Variants in PRCC observed in about 807,000 individuals in gnomAD.
PRCC encodes proline rich mitotic checkpoint control factor, also known as proline-rich protein PRCC.
Under a neutral mutation model 44.0 loss-of-function variants are expected in PRCC, and 10 were observed. The observed-to-expected ratio is 0.23, with a 90% CI of 0.14 to 0.39. The LOEUF is 0.39. Among genes scored for constraint, PRCC ranks in the 10% least tolerant of loss-of-function variants. The pLI, the probability that PRCC is intolerant of heterozygous loss-of-function variation, is 1.00. For synonymous variants in PRCC, 278 were observed against 259.5 expected, an observed-to-expected ratio of 1.07 and a Z score of -0.69; for missense variants, 573 against 624.7, an observed-to-expected ratio of 0.92 and a Z score of 0.88.
intron 1 of PRCC, among the ~76,000 whole-genome samples, chr1:156,779,124 A>AT (rs1651943384): frequency 4.0e-5 from 1 of 25,184 alleles, no homozygotes; most frequent in African/African-American, 1.6e-4. Flanking sequence ...ATATATATAT[A>AT]TATATTTTTT....
chr1:156,781,565 A>G (rs1324663231), intron 1 of PRCC, among the ~76,000 whole-genome samples: 3 of 152,218 alleles, frequency 2.0e-5, no homozygotes, highest in Non-Finnish European at 2.9e-5. Context: ...GAACTGAGAT[A>G]GAGCTAAAAG....
At chr1:156,790,974 A>C (rs1652451468) in intron 3 of PRCC, 2 of 617,164 alleles carry the variant, frequency 3.2e-6, no homozygotes, top group Admixed American at 2.3e-5. Context: ...AGGAAAAAGT[A>C]TAGGCAAGGA....
At chr1:156,780,391 TA>T (rs1558048907) in intron 1 of PRCC, among the ~76,000 whole-genome samples, 2 of 151,668 alleles carry the variant, frequency 1.3e-5, no homozygotes, top group Admixed American at 1.3e-4. Context: ...TAATTTTTTT[TA>T]AATTTATTTT....
intron 4 of PRCC, 80 bp downstream of exon 4, chr1:156,791,872 A>AAC (rs1404675595): frequency 1.7e-5 from 22 of 1,310,610 alleles, no homozygotes; most frequent in South Asian, 3.8e-5. Context: ...AAATTAAAAA[A>AAC]ACACACACAC....
At chr1:156,769,488 A>G (rs1172969114) in intron 1 of PRCC, among the ~76,000 whole-genome samples, 2 of 152,178 alleles carry the variant, frequency 1.3e-5, no homozygotes, top group South Asian at 2.1e-4. Context: ...GAATACTCCC[A>G]TGGATATTTT....
In PRCC at chr1:156,795,285, G is replaced by GTTTTTTTTTTTTTTTTTTTTTTTTTT. The variant is rs35911411; in HGVS notation, c.1323+501_1323+502insTTTTTTTTTTTTTTTTTTTTTTTTTT. On this transcript the variant is annotated intron_variant, in intron 5 of 6. Transcript: ENST00000271526. Reference sequence around the variant, plus strand: ...CTTCCAATTGTTTTCATTTTCTGGTGTTTTTTTTTTTTTTTTTTTTTTTTC... The same window carrying GTTTTTTTTTTTTTTTTTTTTTTTTTT: ...CTTCCAATTGTTTTCATTTTCTGGTGTTTTTTTTTTTTTTTTTTTTTTTTTTTTTTTTTTTTTTTTTTTTTTTTTTC... Among the ~76,000 whole-genome samples the GTTTTTTTTTTTTTTTTTTTTTTTTTT allele has an allele frequency of 2.8e-4, 10 of 36,062 alleles. 2 individuals carry two copies. Among genetic ancestry groups the GTTTTTTTTTTTTTTTTTTTTTTTTTT allele is most frequent in the African/African-American group, 1.1e-3 (8 of 7,174 alleles). 23.7% of individuals were successfully genotyped at this position (36,062 alleles called of 152,430 possible).
rs1433823518 is a variant in PRCC, at chr1:156,786,809, C to T, written c.718C>T (p.Pro240Ser). 1.9e-6 allele frequency: 3 copies of T among 1,614,250 alleles called. No homozygotes were observed. Among genetic ancestry groups the T allele is most frequent in the Non-Finnish European group, 1.7e-6 (2 of 1,180,036 alleles). Residue 240 changes from proline (P) to serine (S), a missense_variant, in exon 3 of 7, where the codon CCG (proline) becomes TCG (serine). Physicochemically the swap from Pro to Ser is moderately conservative, Grantham distance 74 (BLOSUM62 -1). Around this residue, in one of 4 missense-constraint regions of PRCC, gnomAD observed 118 missense variants for 166.7 expected, o/e 0.71. Coordinates refer to ENST00000271526, the MANE Select transcript of PRCC (RefSeq NM_005973.5). ...APVVGTTTTTPSPSAIKAAAK... is the reference protein window; with the variant it reads ...APVVGTTTTTSSPSAIKAAAK... The stretch of plus-strand genomic sequence containing the variant: ...TGTTGTGGGCACCACAACCACCACT[C>T]CGTCGCCCTCTGCTATCAAGGCTGC...
chr1:156,795,676 G>C (rs1337494213), intron 5 of PRCC: 1 of 152,158 alleles, frequency 6.6e-6, no homozygotes, highest in Non-Finnish European at 1.5e-5. Flanking sequence ...GGAGTCCCTA[G>C]ATTCTGAGCA....
intron 1 of PRCC, among the ~76,000 whole-genome samples, chr1:156,776,807 C>T (rs549317596): frequency 1.3e-5 from 2 of 151,978 alleles, no homozygotes; most frequent in Non-Finnish European, 2.9e-5. Context: ...CTTATATACC[C>T]CATAGTGAGG....
chr1:156,798,368 C>G (rs1652733153), intron 6 of PRCC, among the ~76,000 whole-genome samples: 1 of 152,188 alleles, frequency 6.6e-6, no homozygotes. Context: ...TGCAGTGGCA[C>G]AATTCCTTTT....
In PRCC at chr1:156,786,783, C is replaced by T. The variant is rs760212269; in HGVS notation, c.692C>T (p.Pro231Leu). 6.2e-7 allele frequency: 1 copy of T among 1,614,238 alleles called. No homozygotes were observed. ...ASKTKTSSLA[P>L]VVGTTTTTPS... ...AAGACCAAGACTTCCTCTCTTGCCC[C>T]TGTTGTGGGCACCACAACCACCACT... The change falls in exon 3 of 7, where the codon CCT (proline) becomes CTT (leucine). Residue 231 changes from proline to leucine, a missense_variant. Physicochemically the swap from Pro to Leu is moderately conservative, Grantham distance 98. Around this residue, in one of 4 missense-constraint regions of PRCC, gnomAD observed 118 missense variants for 166.7 expected, o/e 0.71. Coordinates refer to ENST00000271526, the MANE Select transcript of PRCC (RefSeq NM_005973.5).
At chr1:156,776,707 T>G (rs1172450621) in intron 1 of PRCC, among the ~76,000 whole-genome samples, 1 of 152,220 alleles carries the variant, frequency 6.6e-6, no homozygotes, top group Non-Finnish European at 1.5e-5. Context: ...ATCTTAAATT[T>G]GGGTAAAATT....
intron 1 of PRCC, among the ~76,000 whole-genome samples, chr1:156,774,157 CTTTT>C (rs76271348): frequency 4.4e-4 from 24 of 54,000 alleles, no homozygotes; most frequent in East Asian, 8.3e-4. Flanking sequence ...TTTGAGTCAC[CTTTT>C]TTTTTTTTTT....
chr1:156,768,050 T>G lies in PRCC; in HGVS notation c.279T>G (p.Pro93=). ...LPFGLGGFPP[P]PGVSPAEAAG... is the part of the protein sequence containing the mutation. ...TCGGCCTGGGAGGCTTCCCCCCACCTCCAGGCGTGAGCCCGGCTGAAGCGG... is the reference window on the plus strand; with the variant it reads ...TCGGCCTGGGAGGCTTCCCCCCACCGCCAGGCGTGAGCCCGGCTGAAGCGG... The change falls in exon 1 of 7, where the codon CCT becomes CCG. Residue 93 remains proline, a synonymous_variant. Coordinates refer to ENST00000271526, the MANE Select transcript of PRCC (RefSeq NM_005973.5). 6.3e-7 allele frequency: 1 copy of G among 1,577,080 alleles called. No individual in the cohort carries two copies. The highest frequency in any genetic ancestry group is 1.8e-5 in the Admixed American group (1 of 56,178).
At chr1:156,794,999 C>T (rs1171145907) in intron 5 of PRCC, among the ~76,000 whole-genome samples, 191 bp downstream of exon 5, 1 of 152,140 alleles carries the variant, frequency 6.6e-6, no homozygotes, top group Non-Finnish European at 1.5e-5. Context: ...CTTTGCAGGA[C>T]TTTAACAGCT....
At chr1:156,792,116 C>T (rs1317722451) in intron 4 of PRCC, among the ~76,000 whole-genome samples, 1 of 120,900 alleles carries the variant, frequency 8.3e-6, no homozygotes, top group Non-Finnish European at 1.6e-5. Flanking sequence ...GTCCAGGCTG[C>T]ACTTGAACTC....
chr1:156,794,873 C>T (rs1233160751), intron 5 of PRCC, 65 bp downstream of exon 5: 9 of 1,593,700 alleles, frequency 5.6e-6, no homozygotes, highest in Admixed American at 3.4e-5. Context: ...TTGTCTTACT[C>T]CCCGTCTTGA....
chr1:156,771,586 G>A (rs1240055549), intron 1 of PRCC, among the ~76,000 whole-genome samples: 1 of 152,156 alleles, frequency 6.6e-6, no homozygotes, highest in African/African-American at 2.4e-5. Flanking sequence ...GGGTGGTGTT[G>A]CCATTTATTG....
chr1:156,800,589 C>T lies in PRCC; in HGVS notation c.*129C>T, dbSNP rs776769797. 15 of 825,932 alleles carry T rather than the reference C, an allele frequency of 1.8e-5. No individual in the cohort carries two copies. Among genetic ancestry groups the T allele is most frequent in the South Asian group, 4.8e-5 (3 of 62,648 alleles). The allele number at this position is 825,932 out of a possible 1,614,324, so 51.2% of individuals were successfully genotyped here. A position where few individuals can be genotyped will look rare whatever the true frequency, so the allele number is the denominator to read the frequency against. Reference sequence around the variant, plus strand: ...CCCAAGGACCCAGCCCTCGCCTCTGCGAGAATGAACATATTTGATAGATTT... The same window carrying T: ...CCCAAGGACCCAGCCCTCGCCTCTGTGAGAATGAACATATTTGATAGATTT... On this transcript the variant is annotated 3_prime_UTR_variant, in exon 7 of 7. Coordinates refer to ENST00000271526, the MANE Select transcript of PRCC (RefSeq NM_005973.5).
Sources: allele counts gnomAD v4.1 joint callset (sites outside exome capture counted in the v4.1 genomes callset), GRCh38; gene constraint gnomAD v4.1.1; regional missense constraint gnomAD v4.1.1; transcripts MANE v1.5; gene names NCBI Gene and HGNC (gene_info 2026-07-23, HGNC 2026-07-21).